Variants in METTL6 observed in about 807,000 individuals in gnomAD.
The protein encoded by METTL6 is tRNA N(3)-cytidine methyltransferase METTL6.
A neutral mutation model predicts 26.4 loss-of-function variants in METTL6; 22 were observed. The observed-to-expected ratio is 0.83, with a 90% CI of 0.59 to 1.19. The LOEUF (loss-of-function observed/expected upper bound fraction) is 1.19, where lower values mean the gene tolerates loss of function less well. Ranked by LOEUF, METTL6 falls within the 50% of genes most tolerant of loss-of-function variation. The pLI is 0.00. For synonymous variants in METTL6, 109 were observed against 116.2 expected (o/e 0.94, Z 0.40); for missense variants, 304 against 324.8 (o/e 0.94, Z 0.49).
rs1006888960 is a variant in METTL6 at position 15,411,091 on chromosome 3, C to T, written c.*165G>A. 4.5e-6 allele frequency: 3 copies of T among 670,210 alleles called. No homozygotes were observed. The Admixed American group carries it at 9.6e-5, about 22-fold the overall frequency. The allele number at this position is 670,210 out of a possible 1,614,324, so 41.5% of individuals were successfully genotyped here. A position where few individuals can be genotyped will look rare whatever the true frequency, so the allele number is the denominator to read the frequency against. On this transcript the variant is annotated 3_prime_UTR_variant, in exon 6 of 6. Transcript: ENST00000383790. Reference sequence around the variant, plus strand: ...TGTATTTTTAGTAGAGATGGGGTCTCACCATGTTGGCCAGGCTGGTCTCAA... The same window carrying T: ...TGTATTTTTAGTAGAGATGGGGTCTTACCATGTTGGCCAGGCTGGTCTCAA...
At chr3:15,422,154 G>A (rs1034308629) in intron 3 of METTL6, among the ~76,000 whole-genome samples, 4 of 148,910 alleles carry the variant, frequency 2.7e-5, no homozygotes, top group Non-Finnish European at 4.4e-5. Flanking sequence ...AGTGAGACCC[G>A]TCTCTACAAA....
exon 7 of METTL6, chr3:15,382,632 C>G (rs1456469961): frequency 6.8e-6 from 1 of 147,256 alleles, no homozygotes; most frequent in Non-Finnish European, 1.5e-5. Context: ...GGCCACTGCA[C>G]TCCAGCCTGG....
intron 6 of METTL6, among the ~76,000 whole-genome samples, chr3:15,385,415 T>C (rs1699165177): frequency 6.6e-6 from 1 of 152,074 alleles, no homozygotes; most frequent in Non-Finnish European, 1.5e-5. Flanking sequence ...CTGGCCAACA[T>C]GGGGAAAACC....
chr3:15,414,038 G>T lies in METTL6; in HGVS notation c.656C>A (p.Ser219Ter). 6.2e-7 allele frequency: 1 copy of T among 1,614,054 alleles called. No homozygotes were observed. The change falls in exon 5 of 6, where the codon TCA (serine) becomes TAA (stop). Residue 219 changes from serine to a stop codon, truncating the protein, a stop_gained. Transcript: ENST00000383790. LOFTEE classifies it high-confidence loss of function. ...CATCTTACCATCAGTAAAAAAATATGATCTGGTCCCATCTTGTCTAACATA... is the reference window on the plus strand; with the variant it reads ...CATCTTACCATCAGTAAAAAAATATTATCTGGTCCCATCTTGTCTAACATA... ...NFYVRQDGTR[S>*]YFFTDDFLAQ... is the part of the protein sequence containing the mutation.
At chr3:15,418,842 G>C (rs978664335) in intron 3 of METTL6, among the ~76,000 whole-genome samples, 5 of 152,092 alleles carry the variant, frequency 3.3e-5, no homozygotes, top group Admixed American at 2.0e-4. Context: ...AGCAGCCTGG[G>C]ATAGTGAGAC....
At chr3:15,414,800 T>C (rs1441028809) in intron 4 of METTL6, 2 of 457,198 alleles carry the variant, frequency 4.4e-6, no homozygotes, top group Admixed American at 4.8e-5. Context: ...GTGCGTCCTG[T>C]AGTCCCAACT....
chr3:15,427,591 C>T, upstream of METTL6: 1 of 595,802 alleles, frequency 1.7e-6, no homozygotes, highest in Non-Finnish European at 3.0e-6. Flanking sequence ...CTTGCCTCCT[C>T]AGATTCCTCT....
At chr3:15,396,396 C>G (rs540259474) in intron 6 of METTL6, among the ~76,000 whole-genome samples, 1 of 152,246 alleles carries the variant, frequency 6.6e-6, no homozygotes, top group South Asian at 2.1e-4. Flanking sequence ...TTCGTCTAAT[C>G]TTTTTTCAAG....
intron 3 of METTL6, among the ~76,000 whole-genome samples, chr3:15,418,757 G>A (rs998295475): frequency 1.9e-4 from 29 of 152,106 alleles, no homozygotes; most frequent in Admixed American, 6.6e-5. Context: ...ATAGCTGGGC[G>A]CAGTGGCTCA....
intron 2 of METTL6, among the ~76,000 whole-genome samples, chr3:15,426,007 C>A (rs898221352): frequency 4.6e-5 from 7 of 152,264 alleles, no homozygotes; most frequent in African/African-American, 1.7e-4. Context: ...GTGGCACAAT[C>A]TCGGCTCACT....
Position 15,414,062 on chromosome 3 carries a change from T to A in METTL6, c.632A>T (p.Tyr211Phe), listed in dbSNP as rs768716252. 8 of 1,614,176 alleles carry A rather than the reference T, an allele frequency of 5.0e-6. No homozygotes were observed. The highest frequency in any genetic ancestry group is 6.8e-6 in the Non-Finnish European group (8 of 1,180,028). Reference protein sequence around the residue: ...KASSKLGENFYVRQDGTRSYF... With the variant: ...KASSKLGENFFVRQDGTRSYF... ...TGATCTGGTCCCATCTTGTCTAACA[T>A]AAAAGTTTTCTCCAAGTTTGCTGCT... Residue 211 changes from tyrosine (Y) to phenylalanine (F), a missense_variant, in exon 5 of 6, where the codon TAT (tyrosine) becomes TTT (phenylalanine). By Grantham distance (22) the Tyr-to-Phe change is conservative. Transcript: ENST00000383790.
At chr3:15,406,460 T>A (rs1321778162), downstream of METTL6, among the ~76,000 whole-genome samples, 1 of 151,576 alleles carries the variant, frequency 6.6e-6, no homozygotes, top group Non-Finnish European at 1.5e-5. Context: ...GTTAAAATAC[T>A]GATGGACTGG....
intron 5 of METTL6, among the ~76,000 whole-genome samples, chr3:15,412,710 G>A (rs760381341): frequency 2.0e-5 from 3 of 151,446 alleles, no homozygotes; most frequent in South Asian, 4.2e-4. Context: ...GGCTGGTCTC[G>A]AACTCCTGAG....
chr3:15,421,430 C>G lies in METTL6; in HGVS notation c.360+3525G>C, dbSNP rs192092025. On this transcript the variant is annotated intron_variant, in intron 3 of 5. Coordinates refer to ENST00000383790, the MANE Select transcript of METTL6 (RefSeq NM_152396.4). ...GCTTCTTGTGTTTCTCAGTTTCCTACAGTAAACATATTAACTTTTTAAAAA... is the reference window on the plus strand; with the variant it reads ...GCTTCTTGTGTTTCTCAGTTTCCTAGAGTAAACATATTAACTTTTTAAAAA... 2.4e-3 allele frequency among the ~76,000 whole-genome samples: 361 copies of G among 152,272 alleles called. 2 individuals carry two copies. The highest frequency in any genetic ancestry group is 8.1e-3 in the African/African-American group (338 of 41,542).
intron 6 of METTL6, among the ~76,000 whole-genome samples, chr3:15,395,324 C>T (rs1235291236): frequency 6.6e-6 from 1 of 152,140 alleles, no homozygotes; most frequent in Non-Finnish European, 1.5e-5. Flanking sequence ...ATTGCAACCC[C>T]TGCCTTTTTT....
chr3:15,405,275 T>G (rs1699754754), downstream of METTL6, among the ~76,000 whole-genome samples: 1 of 152,180 alleles, frequency 6.6e-6, no homozygotes, highest in South Asian at 2.1e-4. Context: ...TACCTTAAAA[T>G]GCTTCCCAGA....
At position 15,426,404 on chromosome 3, in the gene METTL6, T is replaced by C. The variant is rs1012840776; in HGVS notation, c.108A>G (p.Lys36=). ...AATTTTTCTGAGCCTCTTGTTCCAA[T>C]TTCTGCTGTTTAAAATCAGACACCA... ...QTLVSDFKQQ[K]LEQEAQKNWD... is the part of the protein sequence containing the mutation. Residue 36 remains lysine (K), a synonymous_variant, in exon 2 of 6, where the codon AAA becomes AAG. Coordinates refer to ENST00000383790, the MANE Select transcript of METTL6 (RefSeq NM_152396.4). 1.2e-6 allele frequency: 2 copies of C among 1,614,134 alleles called. No homozygotes were observed. The highest frequency in any genetic ancestry group is 1.7e-6 in the Non-Finnish European group (2 of 1,180,050).
rs376995362 is a variant in METTL6, at chr3:15,426,269, G to A, written c.225+18C>T. 1.9e-6 allele frequency: 3 copies of A among 1,606,970 alleles called. No individual in the cohort carries two copies. Among genetic ancestry groups the A allele is most frequent in the Non-Finnish European group, 2.6e-6 (3 of 1,174,016 alleles). The stretch of plus-strand genomic sequence containing the variant: ...TTTAAATGAAGAACAGCTCAGATAA[G>A]GCGTAATATTAGCTTACCTCTCTAC... On this transcript the variant is annotated intron_variant, in intron 2 of 5. Coordinates refer to ENST00000383790, the MANE Select transcript of METTL6 (RefSeq NM_152396.4).
chr3:15,402,881 C>T (rs1299814877), intron 6 of METTL6, among the ~76,000 whole-genome samples: 1 of 151,978 alleles, frequency 6.6e-6, no homozygotes, highest in African/African-American at 2.4e-5. Flanking sequence ...TTTATTCGTC[C>T]TAAAAAGACA....
Sources: allele counts gnomAD v4.1 joint callset (sites outside exome capture counted in the v4.1 genomes callset), GRCh38; gene constraint gnomAD v4.1.1; transcripts MANE v1.5; gene names NCBI Gene and HGNC (gene_info 2026-07-23, HGNC 2026-07-21).